BNIPL: variants seen among roughly 807,000 people sequenced by gnomAD.
BNIPL encodes the protein bcl-2/adenovirus E1B 19 kDa-interacting protein 2-like protein.
In BNIPL, 33 loss-of-function variants were observed where a neutral mutation model predicts 47.0. The observed-to-expected ratio is 0.70, with a 90% CI of 0.53 to 0.94. BNIPL has a LOEUF of 0.94. BNIPL is among the 40% of genes least tolerant of loss of function. BNIPL has a pLI of 0.00. For missense variants in BNIPL, 404 were observed against 445.2 expected, an observed-to-expected ratio of 0.91 and a Z score of 0.83; for synonymous variants, 145 against 162.7, an observed-to-expected ratio of 0.89 and a Z score of 0.83.
At chr1:151,046,506 G>A (rs1283696537) in intron 9 of BNIPL, 145 bp from the exon 10 acceptor site, 1 of 732,006 alleles carries the variant, frequency 1.4e-6, no homozygotes, top group East Asian at 2.7e-5. Context: ...GGGGGAGAGG[G>A]TGTTAGGGAG....
Position 151,036,709 on chromosome 1 carries a change from C to T in BNIPL, c.-17C>T. On this transcript the variant is annotated 5_prime_UTR_variant, in exon 1 of 10. Coordinates refer to ENST00000368931, the MANE Select transcript of BNIPL (RefSeq NM_138278.4). The stretch of plus-strand genomic sequence containing the variant: ...ACTCCTAGGTGTTTAAAGAAGGAGG[C>T]AGGAAGACTTGTGAAGATGGGAACT... The T allele has an allele frequency of 6.2e-7, 1 of 1,607,346 alleles. No individual in the cohort carries two copies.
rs373344206 is a variant in BNIPL, at chr1:151,038,848, GCGTCTTTCTGC to G, written c.257_267del (p.Arg86ProfsTer9). ...TGTGTGGCCAGCGCCCCATGCGCAA[GCGTCTTTCTGC>G]CCCAGAGTTGCGGCTGAGTCTGACT... On this transcript the variant is annotated frameshift_variant, in exon 4 of 10. Coordinates refer to ENST00000368931, the MANE Select transcript of BNIPL (RefSeq NM_138278.4). LOFTEE classifies it high-confidence loss of function. The G allele has an allele frequency of 1.2e-6, 2 of 1,613,256 alleles. No homozygotes were observed. The highest frequency in any genetic ancestry group is 2.7e-5 in the African/African-American group (2 of 74,900).
chr1:151,044,489 C>A (rs1427517402), intron 7 of BNIPL, among the ~76,000 whole-genome samples: 1 of 152,194 alleles, frequency 6.6e-6, no homozygotes, highest in East Asian at 1.9e-4. Flanking sequence ...TGTCACCAGG[C>A]TGCAGTGCAG....
At chr1:151,037,461 T>G in intron 1 of BNIPL, 106 bp from the exon 2 acceptor site, 1 of 1,466,974 alleles carries the variant, frequency 6.8e-7, no homozygotes, top group Non-Finnish European at 9.1e-7. Flanking sequence ...CTGAGTCCTT[T>G]TGAAGGCCTA....
chr1:151,046,192 C>T (rs1355005402), intron 9 of BNIPL, 27 bp downstream of exon 9: 2 of 1,613,302 alleles, frequency 1.2e-6, no homozygotes, highest in South Asian at 2.2e-5. Context: ...AGAATAAAGC[C>T]TTGGGGTGGG....
At chr1:151,040,550 C>A (rs587598570) in intron 4 of BNIPL, among the ~76,000 whole-genome samples, 66 of 151,718 alleles carry the variant, frequency 4.4e-4, no homozygotes, top group African/African-American at 1.5e-3. Flanking sequence ...AATCCCAGCA[C>A]TTTGGGAGGC....
chr1:151,036,842 T>G, intron 1 of BNIPL, 76 bp downstream of exon 1: 1 of 1,396,664 alleles, frequency 7.2e-7, no homozygotes, highest in Non-Finnish European at 1.0e-6. Context: ...CACCCAGCTC[T>G]TACTGGGTCA....
chr1:151,045,818 C>G lies in BNIPL; in HGVS notation c.873C>G (p.Ala291=). 1 of 1,614,024 alleles carries G rather than the reference C, an allele frequency of 6.2e-7. No individual in the cohort carries two copies. ...LDRRLRKNLR[A]LVVVHATWYV... ...TCAGGCTACGGAAAAACCTGCGAGC[C>G]CTGGTGGTTGTCCATGCTACATGGT... Residue 291 remains alanine (A), a synonymous_variant, in exon 8 of 10, where the codon GCC becomes GCG. Coordinates refer to ENST00000368931, the MANE Select transcript of BNIPL (RefSeq NM_138278.4).
intron 7 of BNIPL, among the ~76,000 whole-genome samples, chr1:151,044,579 A>G (rs964032484): frequency 1.3e-5 from 2 of 152,090 alleles, no homozygotes; most frequent in African/African-American, 4.8e-5. Flanking sequence ...AGTAGCTGGG[A>G]GTACAGGCAT....
intron 6 of BNIPL, 76 bp downstream of exon 6, chr1:151,043,510 G>A: frequency 6.4e-7 from 1 of 1,554,776 alleles, no homozygotes; most frequent in Non-Finnish European, 8.9e-7. Flanking sequence ...TCAAAGATCA[G>A]TAGCTGATGG....
chr1:151,043,211 A>G lies in BNIPL; in HGVS notation c.616+73A>G, dbSNP rs1306926499. ...AAATGCCTAAGCTGGAGACTCAGTC[A>G]TTGGATCCAAAATCTATCCTGGAAC... On this transcript the variant is annotated intron_variant, in intron 5 of 9. Transcript: ENST00000368931. 2.6e-6 allele frequency: 4 copies of G among 1,546,318 alleles called. No individual in the cohort carries two copies. In the East Asian group the frequency reaches 6.7e-5, roughly 26 times the overall value.
In BNIPL at chr1:151,046,876, C is replaced by T. The variant is rs587652922; in HGVS notation, c.*189C>T. On this transcript the variant is annotated 3_prime_UTR_variant, in exon 10 of 10. Transcript: ENST00000368931. ...AGGGCTTTGAGGCTGGGAAACTGAT[C>T]TGCTGGGTGACTTTCATTCCAGTTG... The T allele has an allele frequency of 1.4e-5, 7 of 490,902 alleles. No homozygotes were observed. The East Asian group carries it at 1.7e-4, about 12-fold the overall frequency. 30.4% of individuals were successfully genotyped at this position (490,902 alleles called of 1,614,324 possible). A position where few individuals can be genotyped will look rare whatever the true frequency, so the allele number is the denominator to read the frequency against.
chr1:151,047,670 G>C lies in BNIPL; in HGVS notation c.*983G>C. On this transcript the variant is annotated 3_prime_UTR_variant, in exon 10 of 10. Coordinates refer to ENST00000368931, the MANE Select transcript of BNIPL (RefSeq NM_138278.4). The stretch of plus-strand genomic sequence containing the variant: ...TTCTGGCAGAGTTCTTGCCGCAGAG[G>C]TTCCTTAGGAGCACCCCGCGCGGCC... The C allele has an allele frequency of 9.6e-7, 1 of 1,038,140 alleles. No homozygotes were observed. The highest frequency in any genetic ancestry group is 1.9e-5 in the South Asian group (1 of 53,790). The allele number at this position is 1,038,140 out of a possible 1,614,324, so 64.3% of individuals were successfully genotyped here. A position where few individuals can be genotyped will look rare whatever the true frequency, so the allele number is the denominator to read the frequency against.
chr1:151,045,558 C>CAAAAAA (rs587769189), intron 7 of BNIPL: 11 of 249,956 alleles, frequency 4.4e-5, no homozygotes, highest in Non-Finnish European at 5.0e-5. Context: ...GACTCCGTCT[C>CAAAAAA]AAAAAAAAAA....
rs1250914037 is a variant in BNIPL at position 151,045,582 on chromosome 1, T to C, written c.852-215T>C. 1.3e-4 allele frequency: 84 copies of C among 622,328 alleles called. No homozygotes were observed. The South Asian group carries it at 1.7e-3, about 12-fold the overall frequency. 38.6% of individuals were successfully genotyped at this position (622,328 alleles called of 1,614,324 possible). A position where few individuals can be genotyped will look rare whatever the true frequency, so the allele number is the denominator to read the frequency against. On this transcript the variant is annotated intron_variant, in intron 7 of 9. Transcript: ENST00000368931. ...TCAAAAAAAAAAAAAAAAAAAAATC[T>C]TGAGAGTTTTTTTAAAAATGAGGAT...
In BNIPL at chr1:151,043,624, G is replaced by A; in HGVS notation, c.748G>A (p.Val250Ile). The A allele has an allele frequency of 6.2e-7, 1 of 1,612,294 alleles. No homozygotes were observed. The highest frequency in any genetic ancestry group is 8.5e-7 in the Non-Finnish European group (1 of 1,178,362). The part of the protein sequence containing the change: ...RYMVGTLELL[V>I]AENYLLVHLS... ...TATGGTGGGAACTCTGGAGCTGCTA[G>A]TAGCTGAAAATTACCTGCTTGTTCA... Residue 250 changes from valine to isoleucine, a missense_variant, in exon 7 of 10, where the codon GTA becomes ATA. Transcript: ENST00000368931.
chr1:151,037,787 G>C lies in BNIPL; in HGVS notation c.137+125G>C. Reference sequence around the variant, plus strand: ...TGGCCGAGGCGGGTGGATCACCTGAGGTCAGGAGTTTGAGACCAGCCTGAC... The same window carrying C: ...TGGCCGAGGCGGGTGGATCACCTGACGTCAGGAGTTTGAGACCAGCCTGAC... On this transcript the variant is annotated intron_variant, in intron 2 of 9. Transcript: ENST00000368931. 1.3e-5 allele frequency: 9 copies of C among 714,452 alleles called. No homozygotes were observed. In the South Asian group the frequency reaches 1.5e-4, roughly 12 times the overall value. The allele number at this position is 714,452 out of a possible 1,614,324, so 44.3% of individuals were successfully genotyped here. A position where few individuals can be genotyped will look rare whatever the true frequency, so the allele number is the denominator to read the frequency against.
intron 4 of BNIPL, among the ~76,000 whole-genome samples, chr1:151,042,189 C>T (rs920251948): frequency 6.6e-6 from 1 of 152,002 alleles, no homozygotes; most frequent in African/African-American, 2.4e-5. Context: ...CATGAGTGAT[C>T]TTCCCACCTT....
rs750975098 is a variant in BNIPL, at chr1:151,045,821, G to A, written c.876G>A (p.Leu292=). ...DRRLRKNLRA[L]VVVHATWYVK... ...GGCTACGGAAAAACCTGCGAGCCCT[G>A]GTGGTTGTCCATGCTACATGGTATG... The change falls in exon 8 of 10, where the codon CTG becomes CTA. Residue 292 remains leucine (L), a synonymous_variant. Transcript: ENST00000368931. 3.7e-6 allele frequency: 6 copies of A among 1,614,016 alleles called. No individual in the cohort carries two copies. The highest frequency in any genetic ancestry group is 2.2e-5 in the East Asian group (1 of 44,890).
Sources: allele counts gnomAD v4.1 joint callset (sites outside exome capture counted in the v4.1 genomes callset), GRCh38; gene constraint gnomAD v4.1.1; transcripts MANE v1.5; gene names NCBI Gene and HGNC (gene_info 2026-07-23, HGNC 2026-07-21).